Variants in TP63 observed in about 807,000 individuals in gnomAD.
TP63 encodes tumor protein p63, also known as tumor protein 63.
In TP63, 17 loss-of-function variants were observed where a neutral mutation model predicts 82.8. The observed-to-expected ratio is 0.21, with a 90% CI of 0.14 to 0.31. The LOEUF (loss-of-function observed/expected upper bound fraction) is 0.31. Ranked by LOEUF, TP63 falls within the 10% of genes least tolerant of loss-of-function variation. TP63 has a pLI of 1.00. For synonymous variants in TP63, 330 were observed against 321.7 expected, an observed-to-expected ratio of 1.03 and a Z score of -0.28; for missense variants, 648 against 895.3, an observed-to-expected ratio of 0.72 and a Z score of 3.52.
the TP63 span, among the ~76,000 whole-genome samples, chr3:189,609,697 C>T: frequency 6.6e-6 from 1 of 152,164 alleles, no homozygotes; most frequent in African/African-American, 2.4e-5. Flanking sequence ...CATGTTCATG[C>T]AAAAGACTTG....
Position 189,851,744 on chromosome 3 carries a change from G to A in TP63, c.580-12488G>A, listed in dbSNP as rs975604342. ...GCACCAACCCGGGCAGAAATAAGTT[G>A]TGAAAATGGCCAAGCAGGCAGACTT... On this transcript the variant is annotated intron_variant, in intron 4 of 13. Transcript: ENST00000264731. Among the ~76,000 whole-genome samples, 6 of 152,072 alleles carry A rather than the reference G, an allele frequency of 3.9e-5. No individual in the cohort carries two copies. The East Asian group carries it at 1.2e-3, about 29-fold the overall frequency.
At chr3:189,613,174 C>T in the TP63 span, among the ~76,000 whole-genome samples, 1 of 152,066 alleles carries the variant, frequency 6.6e-6, no homozygotes, top group Admixed American at 6.5e-5. Flanking sequence ...ATGGCAGCTC[C>T]CCCAATCACA....
intron 4 of TP63, among the ~76,000 whole-genome samples, chr3:189,851,817 G>T (rs556923188): frequency 3.9e-5 from 6 of 152,110 alleles, no homozygotes; most frequent in Non-Finnish European, 8.8e-5. Context: ...ACCCCGTGAA[G>T]GTGAAAGTTC....
At chr3:189,785,368 G>A (rs7615537) in intron 3 of TP63, among the ~76,000 whole-genome samples, 18,673 of 152,032 alleles carry the variant, frequency 0.12, 1,238 homozygotes, top group East Asian at 0.32. Context: ...AATGTGACAT[G>A]ATGAACATAA....
chr3:189,640,595 C>T (rs1024516602), intron 1 of TP63, among the ~76,000 whole-genome samples: 1 of 152,112 alleles, frequency 6.6e-6, no homozygotes. Flanking sequence ...TCTATAAATG[C>T]ACTACCGAAC....
At position 189,732,261 on chromosome 3, in the gene TP63, C is replaced by G. The variant is rs369349770; in HGVS notation, c.63-5479C>G. Reference sequence around the variant, plus strand: ...AAATGACTGATCTATTCCAACTCCCCTCCACCACCCCTGTCTTTTGTAATA... The same window carrying G: ...AAATGACTGATCTATTCCAACTCCCGTCCACCACCCCTGTCTTTTGTAATA... On this transcript the variant is annotated intron_variant, in intron 1 of 13. Transcript: ENST00000264731. 5.9e-5 allele frequency among the ~76,000 whole-genome samples: 9 copies of G among 152,236 alleles called. No homozygotes were observed. The South Asian group carries it at 1.9e-3, about 32-fold the overall frequency.
chr3:189,634,607 CTTA>C (rs1024461826), intron 1 of TP63, among the ~76,000 whole-genome samples: 11 of 152,054 alleles, frequency 7.2e-5, no homozygotes, highest in African/African-American at 1.9e-4. Context: ...CACCTTAGAG[CTTA>C]TTAAGTTCCC....
intron 4 of TP63, among the ~76,000 whole-genome samples, chr3:189,832,093 G>A (rs1268874884): frequency 6.6e-6 from 1 of 152,032 alleles, no homozygotes; most frequent in Non-Finnish European, 1.5e-5. Flanking sequence ...GCCTCCCAAA[G>A]TGCTAGGATT....
chr3:189,615,150 C>T, the TP63 span, among the ~76,000 whole-genome samples: 1 of 152,328 alleles, frequency 6.6e-6, no homozygotes, highest in East Asian at 1.9e-4. Context: ...CCTAAACTCC[C>T]TTTCTGGCCT....
At chr3:189,797,378 T>C (rs1168456818) in intron 3 of TP63, among the ~76,000 whole-genome samples, 1 of 152,106 alleles carries the variant, frequency 6.6e-6, no homozygotes, top group Non-Finnish European at 1.5e-5. Flanking sequence ...GAAGGAACTC[T>C]GTACAGGCAT....
intron 2 of TP63, 67 bp downstream of exon 2, chr3:189,737,935 T>C (rs1720713389): frequency 6.3e-7 from 1 of 1,597,466 alleles, no homozygotes; most frequent in South Asian, 1.1e-5. Context: ...GGTCAAAATA[T>C]TGCTTACTAG....
intron 3 of TP63, among the ~76,000 whole-genome samples, chr3:189,751,167 G>A (rs183447471): frequency 6.6e-6 from 1 of 152,188 alleles, no homozygotes; most frequent in African/African-American, 2.4e-5. Context: ...TTTTATGGCT[G>A]CATAGTATTC....
the TP63 span, among the ~76,000 whole-genome samples, chr3:189,605,066 G>A: frequency 6.6e-6 from 1 of 152,076 alleles, no homozygotes; most frequent in African/African-American, 2.4e-5. Flanking sequence ...CTTGTGGCTT[G>A]GTTTTCTTCT....
At chr3:189,763,186 G>A (rs1324324658) in intron 3 of TP63, among the ~76,000 whole-genome samples, 1 of 152,076 alleles carries the variant, frequency 6.6e-6, no homozygotes, top group African/African-American at 2.4e-5. Flanking sequence ...AGATGGGAGT[G>A]TTGCTTGAGC....
intron 1 of TP63, among the ~76,000 whole-genome samples, chr3:189,682,551 AAAATAT>A (rs1290023418): frequency 1.2e-3 from 38 of 30,786 alleles, no homozygotes; most frequent in African/African-American, 7.5e-3. Context: ...AAAAAAAAAA[AAAATAT>A]ATATATATAT....
At chr3:189,734,597 C>T (rs1220102088) in intron 1 of TP63, among the ~76,000 whole-genome samples, 1 of 152,182 alleles carries the variant, frequency 6.6e-6, no homozygotes, top group African/African-American at 2.4e-5. Context: ...TCTAAACCCT[C>T]ACCCTTTTTT....
At chr3:189,801,834 ATTC>A (rs1334898959) in intron 3 of TP63, among the ~76,000 whole-genome samples, 8 of 152,194 alleles carry the variant, frequency 5.3e-5, no homozygotes, top group African/African-American at 1.7e-4. Context: ...TAAATACTTT[ATTC>A]TTATATTTTG....
intron 1 of TP63, among the ~76,000 whole-genome samples, chr3:189,643,289 C>G (rs979438582): frequency 1.3e-5 from 2 of 152,188 alleles, no homozygotes; most frequent in Non-Finnish European, 2.9e-5. Context: ...GCGTGAGCCA[C>G]TGCACCCGGC....
intron 10 of TP63, chr3:189,881,572 A>C: frequency 6.3e-6 from 6 of 956,218 alleles, no homozygotes; most frequent in Non-Finnish European, 7.5e-6. Context: ...TAAGTGCTTG[A>C]AGTAGCATGT....
Sources: allele counts gnomAD v4.1 joint callset (sites outside exome capture counted in the v4.1 genomes callset), GRCh38; gene constraint gnomAD v4.1.1; transcripts MANE v1.5; gene names NCBI Gene and HGNC (gene_info 2026-07-23, HGNC 2026-07-21).